Variants in SPTAN1 observed in about 807,000 individuals in gnomAD.
The protein encoded by SPTAN1 is spectrin alpha chain, non-erythrocytic 1.
In SPTAN1, 61 loss-of-function variants were observed where a neutral mutation model predicts 331.3. That is an observed-to-expected ratio of 0.18 (90% CI 0.15 to 0.23). SPTAN1 has a LOEUF of 0.23. Among genes scored for constraint, SPTAN1 ranks in the 10% least tolerant of loss-of-function variants. SPTAN1 has a pLI of 1.00. For synonymous variants in SPTAN1, 1,153 were observed against 1,173.9 expected, an observed-to-expected ratio of 0.98 and a Z score of 0.36; for missense variants, 2,043 against 3,147.9, an observed-to-expected ratio of 0.65 and a Z score of 8.40.
chr9:128,620,887 G>A (rs548964301), intron 44 of SPTAN1, among the ~76,000 whole-genome samples: 41 of 152,198 alleles, frequency 2.7e-4, no homozygotes, highest in African/African-American at 9.4e-4. Context: ...GGATGACAAA[G>A]GGTTTGACCC....
At chr9:128,563,301 A>G (rs942670095) in intron 1 of SPTAN1, among the ~76,000 whole-genome samples, 8 of 151,954 alleles carry the variant, frequency 5.3e-5, no homozygotes, top group African/African-American at 4.8e-5. Context: ...CTGTACTCCT[A>G]GCTACTCAGG....
chr9:128,614,371 C>T (rs986546929), intron 40 of SPTAN1, among the ~76,000 whole-genome samples: 7 of 152,006 alleles, frequency 4.6e-5, no homozygotes, highest in Non-Finnish European at 7.4e-5. Context: ...GCGGGTGGAT[C>T]GCCTGAGCTC....
chr9:128,577,071 G>A lies in SPTAN1; in HGVS notation c.786-58G>A, dbSNP rs899840911. The A allele has an allele frequency of 1.2e-6, 2 of 1,613,966 alleles. No individual in the cohort carries two copies. The highest frequency in any genetic ancestry group is 1.7e-6 in the Non-Finnish European group (2 of 1,179,980). ...TGACTAGGCCTTGGTCCCATGGGGTGTTCCTAGTTCTAGGGAGTCATCATT... is the reference window on the plus strand; with the variant it reads ...TGACTAGGCCTTGGTCCCATGGGGTATTCCTAGTTCTAGGGAGTCATCATT... On this transcript the variant is annotated intron_variant, in intron 6 of 56. Coordinates refer to ENST00000372739, the MANE Select transcript of SPTAN1 (RefSeq NM_001130438.3). This position sits in a 1 kb window ranked among gnomAD's most constrained non-coding sequence, Gnocchi z 4.2.
chr9:128,575,080 A>G, intron 4 of SPTAN1, 119 bp from the exon 5 acceptor site: 1 of 1,446,832 alleles, frequency 6.9e-7, no homozygotes, highest in Non-Finnish European at 9.7e-7. Flanking sequence ...ACCACAGACA[A>G]AACTGTATCC....
At chr9:128,581,981 A>G in intron 12 of SPTAN1, 89 bp downstream of exon 12, 2 of 984,554 alleles carry the variant, frequency 2.0e-6, no homozygotes, top group South Asian at 1.3e-5. Context: ...AGATTTGATG[A>G]AAGATTCATA....
At chr9:128,584,175 G>C in intron 16 of SPTAN1, 107 bp from the exon 17 acceptor site, 2 of 1,565,748 alleles carry the variant, frequency 1.3e-6, no homozygotes, top group Non-Finnish European at 1.7e-6. Context: ...GAAGGAGATA[G>C]CAGAAAGAAT....
At chr9:128,630,057 T>A in intron 51 of SPTAN1, 1 of 636,342 alleles carries the variant, frequency 1.6e-6, no homozygotes, top group Non-Finnish European at 2.9e-6. Context: ...TCCTGAGTCA[T>A]CCTGGCCTTG....
At chr9:128,602,658 C>T (rs1589287420) in intron 27 of SPTAN1, among the ~76,000 whole-genome samples, 2 of 151,776 alleles carry the variant, frequency 1.3e-5, no homozygotes, top group South Asian at 4.2e-4. Context: ...ATTTTCGAGT[C>T]GGAGTCTTGC....
intron 27 of SPTAN1, among the ~76,000 whole-genome samples, chr9:128,600,669 T>C (rs1404574762): frequency 2.6e-5 from 4 of 152,292 alleles, no homozygotes; most frequent in Middle Eastern, 3.4e-3. Flanking sequence ...TTTTTTTGTT[T>C]TGTTTTGTTT....
In SPTAN1 at chr9:128,633,616, A is replaced by G; in HGVS notation, c.*282A>G. The G allele has an allele frequency of 1.6e-6, 2 of 1,224,084 alleles. No homozygotes were observed. Among genetic ancestry groups the G allele is most frequent in the East Asian group, 2.3e-5 (1 of 42,802 alleles). 75.8% of individuals were successfully genotyped at this position (1,224,084 alleles called of 1,614,324 possible). ...CTTGTTCTCTCTCCCACCCTCCCCC[A>G]AATCTGTTTTCATGTAAAAGACAAA... On this transcript the variant is annotated 3_prime_UTR_variant, in exon 57 of 57. Coordinates refer to ENST00000372739, the MANE Select transcript of SPTAN1 (RefSeq NM_001130438.3).
rs963351408 is a variant in SPTAN1 at position 128,617,585 on chromosome 9, C to A, written c.5358-55C>A. On this transcript the variant is annotated intron_variant, in intron 41 of 56. Transcript: ENST00000372739. Reference sequence around the variant, plus strand: ...GTCCACAGTTGACCTGATGTCCCCACTTGAAAGCAGGGAGGTGCAGAGACT... The same window carrying A: ...GTCCACAGTTGACCTGATGTCCCCAATTGAAAGCAGGGAGGTGCAGAGACT... 3 of 1,613,322 alleles carry A rather than the reference C, an allele frequency of 1.9e-6. No homozygotes were observed. In the African/African-American group the frequency reaches 4.0e-5, roughly 22 times the overall value.
chr9:128,608,844 CCT>C, intron 34 of SPTAN1, 28 bp from the exon 35 acceptor site: 1 of 1,610,810 alleles, frequency 6.2e-7, no homozygotes, highest in Non-Finnish European at 8.5e-7. Context: ...CACAGGCCCA[CCT>C]TGATCTCATG....
chr9:128,584,866 A>G (rs375181223), intron 18 of SPTAN1, 23 bp downstream of exon 18: 1 of 1,614,152 alleles, frequency 6.2e-7, no homozygotes, highest in Admixed American at 1.7e-5. Flanking sequence ...TATCAGTGAC[A>G]TGGCTTGGTG....
intron 3 of SPTAN1, among the ~76,000 whole-genome samples, chr9:128,574,323 CTA>C (rs1369063028): frequency 3.4e-5 from 5 of 147,430 alleles, no homozygotes; most frequent in Non-Finnish European, 1.5e-5. Flanking sequence ...AAATATATAA[CTA>C]TACAATATAA....
intron 24 of SPTAN1, among the ~76,000 whole-genome samples, 183 bp from the exon 25 acceptor site, chr9:128,598,217 G>C (rs901209677): frequency 6.6e-6 from 1 of 152,072 alleles, no homozygotes; most frequent in Non-Finnish European, 1.5e-5. Context: ...CAAAGTGCTG[G>C]GATTACAGGC....
chr9:128,584,641 T>C, intron 17 of SPTAN1, 80 bp from the exon 18 acceptor site: 1 of 1,614,048 alleles, frequency 6.2e-7, no homozygotes, highest in Admixed American at 1.7e-5. Context: ...ACTGGAACCA[T>C]GGTGGTAGCT....
chr9:128,614,032 G>T (rs547129870), intron 40 of SPTAN1, among the ~76,000 whole-genome samples: 4 of 152,062 alleles, frequency 2.6e-5, no homozygotes, highest in Admixed American at 1.3e-4. Context: ...CTGAATTCAG[G>T]TTGTGGTGTT....
intron 1 of SPTAN1, chr9:128,555,224 G>C: frequency 1.5e-6 from 1 of 653,070 alleles, no homozygotes; most frequent in Non-Finnish European, 2.3e-6. Context: ...AGAAGACACT[G>C]AAAAAATATC....
Position 128,633,341 on chromosome 9 carries a change from C to T in SPTAN1, c.*7C>T. 6.2e-7 allele frequency: 1 copy of T among 1,613,742 alleles called. No homozygotes were observed. The highest frequency in any genetic ancestry group is 2.2e-5 in the East Asian group (1 of 44,882). ...CTCGCTTTTCGTGAACTGAGCCACT[C>T]CCTGGGTCACCCACCCCTCGCTGCT... On this transcript the variant is annotated 3_prime_UTR_variant, in exon 57 of 57. Transcript: ENST00000372739.
Sources: allele counts gnomAD v4.1 joint callset (sites outside exome capture counted in the v4.1 genomes callset), GRCh38; gene constraint gnomAD v4.1.1; non-coding constraint Gnocchi (gnomAD v3.1); transcripts MANE v1.5; gene names NCBI Gene and HGNC (gene_info 2026-07-23, HGNC 2026-07-21).